EYA1: variants seen among roughly 807,000 people sequenced by gnomAD.
EYA1 encodes the protein EYA transcriptional coactivator and phosphatase 1, also known as protein phosphatase EYA1.
Under a neutral mutation model 82.0 loss-of-function variants are expected in EYA1, and 16 were observed. The observed-to-expected ratio is 0.20, with a 90% CI of 0.13 to 0.30. The LOEUF is 0.30. EYA1 is among the 10% of genes least tolerant of loss of function. EYA1 has a pLI of 1.00. For missense variants in EYA1, 633 were observed against 730.7 expected (o/e 0.87, Z 1.54); for synonymous variants, 261 against 264.4 (o/e 0.99, Z 0.12).
In EYA1 at chr8:71,299,123, T is replaced by C. The variant is rs1365164516; in HGVS notation, c.750A>G (p.Pro250=). The C allele has an allele frequency of 6.2e-7, 1 of 1,614,054 alleles. No homozygotes were observed. The highest frequency in any genetic ancestry group is 1.3e-5 in the African/African-American group (1 of 74,936). ...MTSSNTSPTT[P]STNATYQLQE... ...GAAGCTGGTAAGTGGCATTGGTGGA[T>C]GGTGTCGTTGGGCTGGTGTTGCTGC... The change falls in exon 9 of 18, where the codon CCA becomes CCG. Residue 250 remains proline, a synonymous_variant. Transcript: ENST00000340726.
chr8:71,403,284 A>G (rs528733966), intron 2 of EYA1, among the ~76,000 whole-genome samples: 1 of 152,350 alleles, frequency 6.6e-6, no homozygotes, highest in South Asian at 2.1e-4. Flanking sequence ...AAGAAATCCA[A>G]ATGGCCAATA....
chr8:71,311,854 T>C (rs1323946136), intron 7 of EYA1, among the ~76,000 whole-genome samples: 1 of 152,220 alleles, frequency 6.6e-6, no homozygotes, highest in East Asian at 1.9e-4. Context: ...AATTTTAGTA[T>C]TAGAGCATGC....
Position 71,199,329 on chromosome 8 carries a change from G to T in EYA1, c.*11C>A. On this transcript the variant is annotated 3_prime_UTR_variant, in exon 18 of 18. Transcript: ENST00000340726. ...CAGAGCAGCTGTGCGCTGTCAAAGT[G>T]CCGAGCGCTGTTACAGGTACTCCAG... 1 of 1,595,100 alleles carries T rather than the reference G, an allele frequency of 6.3e-7. No homozygotes were observed.
chr8:71,424,269 T>C (rs1395855938), intron 2 of EYA1, among the ~76,000 whole-genome samples: 1 of 152,206 alleles, frequency 6.6e-6, no homozygotes, highest in Non-Finnish European at 1.5e-5. Context: ...TACAGTCAGA[T>C]CCACAATCTC....
intron 2 of EYA1, among the ~76,000 whole-genome samples, chr8:71,469,897 G>A (rs1809055386): frequency 6.6e-6 from 1 of 151,992 alleles, no homozygotes; most frequent in Non-Finnish European, 1.5e-5. Context: ...CACTAGATCT[G>A]AGATATCCTA....
At chr8:71,309,591 C>T (rs1563440213) in intron 7 of EYA1, among the ~76,000 whole-genome samples, 2 of 152,162 alleles carry the variant, frequency 1.3e-5, no homozygotes, top group Admixed American at 6.5e-5. Flanking sequence ...GTAAAAATAC[C>T]TTTTCTATAG....
intron 12 of EYA1, among the ~76,000 whole-genome samples, chr8:71,235,530 C>T (rs1479673993): frequency 6.6e-6 from 1 of 152,130 alleles, no homozygotes; most frequent in African/African-American, 2.4e-5. Flanking sequence ...GCTAACAATG[C>T]CCCACTCCAA....
intron 12 of EYA1, among the ~76,000 whole-genome samples, chr8:71,223,220 C>T (rs1057018335): frequency 1.1e-4 from 17 of 152,234 alleles, no homozygotes; most frequent in African/African-American, 4.1e-4. Context: ...CGGATTAGGC[C>T]ACCGTCATGG....
intron 2 of EYA1, among the ~76,000 whole-genome samples, chr8:71,478,845 A>C (rs1809877082): frequency 6.6e-6 from 1 of 152,268 alleles, no homozygotes; most frequent in South Asian, 2.1e-4. Context: ...TTGATCAAAA[A>C]CCTGTACATG....
chr8:71,439,123 C>A (rs1806218884), intron 2 of EYA1, among the ~76,000 whole-genome samples: 1 of 152,024 alleles, frequency 6.6e-6, no homozygotes, highest in Non-Finnish European at 1.5e-5. Flanking sequence ...CAGTAAAGGC[C>A]CAGATGATTC....
In EYA1 at chr8:71,313,938, A is replaced by G. The variant is rs920559121; in HGVS notation, c.556+3614T>C. The stretch of plus-strand genomic sequence containing the variant: ...ACTAGAATAGTTCTTCTATCATTGT[A>G]AAATTCTGATATTAAATTTGAACAG... On this transcript the variant is annotated intron_variant, in intron 7 of 17. Coordinates refer to ENST00000340726, the MANE Select transcript of EYA1 (RefSeq NM_000503.6). 2.6e-5 allele frequency among the ~76,000 whole-genome samples: 4 copies of G among 152,236 alleles called. No homozygotes were observed. The South Asian group carries it at 8.3e-4, about 31-fold the overall frequency.
intron 3 of EYA1, among the ~76,000 whole-genome samples, chr8:71,335,612 T>C (rs780128514): frequency 1.3e-5 from 2 of 152,180 alleles, no homozygotes; most frequent in Non-Finnish European, 2.9e-5. Flanking sequence ...GAAGTCTTTG[T>C]TGATGCTAAA....
chr8:71,464,297 A>T (rs1174307722), intron 2 of EYA1, among the ~76,000 whole-genome samples: 1 of 152,194 alleles, frequency 6.6e-6, no homozygotes, highest in African/African-American at 2.4e-5. Flanking sequence ...TTAGCTACGG[A>T]TGCCACATTA....
chr8:71,275,025 A>C (rs1816992783), intron 9 of EYA1, among the ~76,000 whole-genome samples: 1 of 152,206 alleles, frequency 6.6e-6, no homozygotes, highest in African/African-American at 2.4e-5. Flanking sequence ...ATCTGACCTG[A>C]GTCTACAGAA....
chr8:71,498,263 C>T (rs1175678015), intron 2 of EYA1, among the ~76,000 whole-genome samples: 1 of 152,136 alleles, frequency 6.6e-6, no homozygotes, highest in Non-Finnish European at 1.5e-5. Context: ...GCTGGAGTTC[C>T]TCATTCCACA....
At chr8:71,288,878 A>G (rs1303257992) in intron 9 of EYA1, among the ~76,000 whole-genome samples, 1 of 152,218 alleles carries the variant, frequency 6.6e-6, no homozygotes, top group Non-Finnish European at 1.5e-5. Flanking sequence ...TAATGAAGAA[A>G]TGAAATTTAA....
At chr8:71,502,015 C>T (rs1373064145) in intron 2 of EYA1, among the ~76,000 whole-genome samples, 1 of 152,178 alleles carries the variant, frequency 6.6e-6, no homozygotes, top group Non-Finnish European at 1.5e-5. Flanking sequence ...ATGAGATATG[C>T]ATGTCAAAGT....
chr8:71,342,106 A>G lies in EYA1; in HGVS notation c.125-7932T>C, dbSNP rs541515575. ...CTGAGAAGATTACATGAGCCTCCATACTAATGCTCATCTCTCCCCCAATCC... is the reference window on the plus strand; with the variant it reads ...CTGAGAAGATTACATGAGCCTCCATGCTAATGCTCATCTCTCCCCCAATCC... On this transcript the variant is annotated intron_variant, in intron 3 of 17. Transcript: ENST00000340726. 1.5e-3 allele frequency among the ~76,000 whole-genome samples: 228 copies of G among 152,236 alleles called. 1 individual carries two copies. Among genetic ancestry groups the G allele is most frequent in the African/African-American group, 5.2e-3 (217 of 41,560 alleles).
intron 2 of EYA1, among the ~76,000 whole-genome samples, chr8:71,532,810 G>T (rs955475933): frequency 1.3e-5 from 2 of 152,094 alleles, no homozygotes; most frequent in African/African-American, 4.8e-5. Flanking sequence ...AGCTGGAAAG[G>T]ACCTTAGGTT....
Sources: allele counts gnomAD v4.1 joint callset (sites outside exome capture counted in the v4.1 genomes callset), GRCh38; gene constraint gnomAD v4.1.1; transcripts MANE v1.5; gene names NCBI Gene and HGNC (gene_info 2026-07-23, HGNC 2026-07-21).